MCPH1: variants seen among roughly 807,000 people sequenced by gnomAD.
MCPH1 encodes microcephalin.
In MCPH1, 104 loss-of-function variants were observed where a neutral mutation model predicts 84.5. The observed-to-expected ratio is 1.23, with a 90% CI of 1.05 to 1.45. MCPH1 has a LOEUF of 1.45. MCPH1 is among the 40% of genes most tolerant of loss of function. MCPH1 has a pLI of 0.00. For synonymous variants in MCPH1, 514 were observed against 366.8 expected (o/e 1.40, Z -4.58); for missense variants, 1,498 against 1,005.7 (o/e 1.49, Z -6.62).
In MCPH1 at chr8:6,626,875, G is replaced by C. The variant is rs552487530; in HGVS notation, c.2452+5184G>C. On this transcript the variant is annotated intron_variant, in intron 13 of 13. Coordinates refer to ENST00000344683, the MANE Select transcript of MCPH1 (RefSeq NM_024596.5). ...AAGGCTGGCTTGGCCTTTCTCATAG[G>C]CGTATTTCCACTCTCAGGCGCCCTT... The C allele has an allele frequency of 3.0e-6, 3 of 984,844 alleles. No individual in the cohort carries two copies. In the South Asian group the frequency reaches 1.4e-4, roughly 46 times the overall value. 61.0% of individuals were successfully genotyped at this position (984,844 alleles called of 1,614,324 possible). A position where few individuals can be genotyped will look rare whatever the true frequency, so the allele number is the denominator to read the frequency against.
intron 8 of MCPH1, chr8:6,446,145 C>G: frequency 1.1e-6 from 1 of 916,608 alleles, no homozygotes; most frequent in Non-Finnish European, 1.3e-6. Context: ...TGAAGCATCA[C>G]TTGAAAAGGT....
chr8:6,504,729 A>G (rs548426937), intron 12 of MCPH1, among the ~76,000 whole-genome samples: 1 of 152,282 alleles, frequency 6.6e-6, no homozygotes, highest in East Asian at 1.9e-4. Context: ...TATCCATGAA[A>G]TTGGAAGCAA....
At chr8:6,567,932 TCTG>T (rs1826337608) in intron 12 of MCPH1, among the ~76,000 whole-genome samples, 1 of 152,218 alleles carries the variant, frequency 6.6e-6, no homozygotes, top group African/African-American at 2.4e-5. Flanking sequence ...CTGTAATAGT[TCTG>T]CTGAACAGCT....
intron 9 of MCPH1, among the ~76,000 whole-genome samples, chr8:6,460,064 T>C (rs1235929749): frequency 6.6e-6 from 1 of 152,186 alleles, no homozygotes; most frequent in Non-Finnish European, 1.5e-5. Context: ...TTTTGTTGTT[T>C]ATTTACTTGA....
At chr8:6,612,651 C>G (rs758853782) in intron 12 of MCPH1, among the ~76,000 whole-genome samples, 9 of 152,244 alleles carry the variant, frequency 5.9e-5, no homozygotes, top group Non-Finnish European at 1.0e-4. Flanking sequence ...TGGCCTGCCT[C>G]TGTTCCGACC....
At chr8:6,424,682 C>A (rs1213211642) in intron 3 of MCPH1, among the ~76,000 whole-genome samples, 1 of 152,222 alleles carries the variant, frequency 6.6e-6, no homozygotes, top group Non-Finnish European at 1.5e-5. Context: ...GATGTGTAGC[C>A]ATTTAGGACT....
intron 12 of MCPH1, among the ~76,000 whole-genome samples, chr8:6,587,854 C>G (rs1828118544): frequency 6.6e-6 from 1 of 152,212 alleles, no homozygotes; most frequent in African/African-American, 2.4e-5. Context: ...GATACTTCCC[C>G]TCCTGACTCT....
chr8:6,625,137 A>G (rs531234121), intron 13 of MCPH1: 1 of 959,074 alleles, frequency 1.0e-6, no homozygotes, highest in East Asian at 1.1e-4. Flanking sequence ...GGCCTCCCAA[A>G]GTGCTGGGAT....
chr8:6,530,813 C>T (rs1389180153), intron 12 of MCPH1, among the ~76,000 whole-genome samples: 2 of 152,186 alleles, frequency 1.3e-5, no homozygotes, highest in Non-Finnish European at 2.9e-5. Context: ...CTCATCCAAC[C>T]ATTTTTAGGA....
intron 12 of MCPH1, among the ~76,000 whole-genome samples, chr8:6,599,386 G>A (rs1563171053): frequency 6.6e-6 from 1 of 152,162 alleles, no homozygotes; most frequent in Non-Finnish European, 1.5e-5. Context: ...AAAGCAGAGC[G>A]CGGCTTAGTG....
chr8:6,641,436 CA>C (rs2129583927), intron 13 of MCPH1, among the ~76,000 whole-genome samples: 1 of 152,234 alleles, frequency 6.6e-6, no homozygotes, highest in Non-Finnish European at 1.5e-5. Flanking sequence ...TTATACATGG[CA>C]AAAGTTTGCA....
At chr8:6,532,408 A>G (rs1311724651) in intron 12 of MCPH1, 2 of 1,613,880 alleles carry the variant, frequency 1.2e-6, no homozygotes, top group East Asian at 4.5e-5. Context: ...TTCTATCATC[A>G]CAGCCGTCTG....
At chr8:6,458,709 ATCTCG>A (rs1805960724) in intron 9 of MCPH1, among the ~76,000 whole-genome samples, 1 of 152,068 alleles carries the variant, frequency 6.6e-6, no homozygotes, top group African/African-American at 2.4e-5. Flanking sequence ...TACTGGTGTT[ATCTCG>A]GCTCACTGCA....
chr8:6,410,047 G>A (rs1482975370), intron 2 of MCPH1, among the ~76,000 whole-genome samples: 2 of 152,008 alleles, frequency 1.3e-5, no homozygotes, highest in Non-Finnish European at 2.9e-5. Context: ...TCAGCTCACT[G>A]CAATCTCTGC....
intron 12 of MCPH1, chr8:6,503,383 T>A: frequency 1.1e-6 from 1 of 938,430 alleles, no homozygotes. Flanking sequence ...CACATGCAGA[T>A]GATGGTGAGT....
Position 6,503,046 on chromosome 8 carries a change from T to G in MCPH1, c.2214+3117T>G, listed in dbSNP as rs565333607. On this transcript the variant is annotated intron_variant, in intron 12 of 13. Transcript: ENST00000344683. ...TGCGCAGCCGTGACTTTCAGTGCAC[T>G]GGGCTTAAGTCTTTGAAAATAGTTC... The G allele has an allele frequency of 4.5e-5, 72 of 1,602,920 alleles. No individual in the cohort carries two copies. The African/African-American group carries it at 7.9e-4, about 18-fold the overall frequency.
intron 12 of MCPH1, among the ~76,000 whole-genome samples, chr8:6,543,314 G>A (rs144538736): frequency 1.3e-5 from 2 of 152,322 alleles, no homozygotes; most frequent in Non-Finnish European, 2.9e-5. Context: ...AAATGTGTTT[G>A]TACAGTTACT....
chr8:6,562,718 A>G, intron 12 of MCPH1: 1 of 1,613,462 alleles, frequency 6.2e-7, no homozygotes, highest in Non-Finnish European at 8.5e-7. Context: ...GAGTCATCGT[A>G]TTCGAGCGGC....
chr8:6,637,305 G>A (rs1240107719), intron 13 of MCPH1, among the ~76,000 whole-genome samples: 2 of 152,154 alleles, frequency 1.3e-5, no homozygotes, highest in Non-Finnish European at 2.9e-5. Context: ...GTATAGAGAG[G>A]AGGAGTGAGG....
Sources: gnomAD v4.1 joint callset for allele counts (sites outside exome capture counted in the v4.1 genomes callset) on GRCh38, gnomAD v4.1.1 for gene constraint, MANE v1.5 for transcripts, NCBI Gene and HGNC (gene_info 2026-07-23, HGNC 2026-07-21) for gene names.